The following ERBB4 variants were observed in gnomAD, a reference collection of about 807,000 sequenced individuals.
ERBB4 encodes erb-b2 receptor tyrosine kinase 4.
Under a neutral mutation model 158.0 loss-of-function variants are expected in ERBB4, and 42 were observed. That is an observed-to-expected ratio of 0.27 (90% CI 0.21 to 0.34). The LOEUF is 0.34. ERBB4 is among the 10% of genes least tolerant of loss of function. ERBB4 has a pLI of 1.00. For missense variants in ERBB4, 1,333 were observed against 1,624.1 expected (o/e 0.82, Z 3.08); for synonymous variants, 583 against 558.7 (o/e 1.04, Z -0.61).
intron 3 of ERBB4, among the ~76,000 whole-genome samples, chr2:211,855,989 A>T (rs1239128490): frequency 6.6e-6 from 1 of 152,212 alleles, no homozygotes; most frequent in Non-Finnish European, 1.5e-5. Context: ...CAAAGTCAGA[A>T]TGAAAAACTA....
chr2:212,532,204 C>T (rs75133265), intron 1 of ERBB4, among the ~76,000 whole-genome samples: 23 of 152,310 alleles, frequency 1.5e-4, no homozygotes, highest in African/African-American at 5.5e-4. Context: ...TTTCCTTGCG[C>T]TGTCAGTTTC....
intron 1 of ERBB4, among the ~76,000 whole-genome samples, chr2:212,289,432 A>T (rs1037804741): frequency 1.3e-5 from 2 of 152,196 alleles, no homozygotes; most frequent in Admixed American, 6.5e-5. Context: ...TAAATATTTA[A>T]TCCAGATTTT....
chr2:212,047,130 T>A (rs898989981), intron 2 of ERBB4, among the ~76,000 whole-genome samples: 5 of 152,168 alleles, frequency 3.3e-5, no homozygotes, highest in African/African-American at 1.2e-4. Context: ...TATTATATAT[T>A]GTTGTCCTAA....
At chr2:211,783,432 C>T (rs1265329954) in intron 4 of ERBB4, among the ~76,000 whole-genome samples, 1 of 152,230 alleles carries the variant, frequency 6.6e-6, no homozygotes, top group Non-Finnish European at 1.5e-5. Flanking sequence ...GAGAGGGCAT[C>T]CCTGTCTTGT....
chr2:212,274,998 C>A (rs71333667), intron 1 of ERBB4, among the ~76,000 whole-genome samples: 16 of 151,910 alleles, frequency 1.1e-4, no homozygotes, highest in African/African-American at 3.4e-4. Flanking sequence ...GTTCAGCTCC[C>A]ACTTAAGAGT....
At chr2:211,386,826 G>A (rs200977644) in intron 27 of ERBB4, 27 bp downstream of exon 27, 267 of 1,610,648 alleles carry the variant, frequency 1.7e-4, no homozygotes, top group Non-Finnish European at 2.2e-4. Flanking sequence ...TTCGAATGGC[G>A]ATCGTTTCTG....
chr2:212,308,428 G>A (rs1470828560), intron 1 of ERBB4, among the ~76,000 whole-genome samples: 1 of 151,030 alleles, frequency 6.6e-6, no homozygotes, highest in African/African-American at 2.4e-5. Context: ...ATTTAGAACT[G>A]GCATTTTCTC....
At chr2:212,408,216 C>T (rs2106480281) in intron 1 of ERBB4, among the ~76,000 whole-genome samples, 1 of 152,092 alleles carries the variant, frequency 6.6e-6, no homozygotes, top group African/African-American at 2.4e-5. Context: ...CATGCATTAG[C>T]TCTTTTCTCT....
rs1438765923 is a variant in ERBB4, at chr2:211,861,103, A to T, written c.422-72944T>A. ...ATATTATAAAATATATAAATACATT[A>T]TATATATTTATATATATATTTTATA... On this transcript the variant is annotated intron_variant, in intron 3 of 27. Coordinates refer to ENST00000342788, the MANE Select transcript of ERBB4 (RefSeq NM_005235.3). Among the ~76,000 whole-genome samples the T allele has an allele frequency of 4.4e-3, 216 of 48,766 alleles. 8 individuals carry two copies. Among genetic ancestry groups the T allele is most frequent in the Non-Finnish European group, 5.8e-3 (156 of 26,766 alleles). The allele number at this position is 48,766 out of a possible 152,430, so 32.0% of individuals were successfully genotyped here.
chr2:211,380,344 AACTGC>A lies in ERBB4; in HGVS notation c.*3266_*3270del, dbSNP rs1414948632. 2.3e-5 allele frequency: 5 copies of A among 221,380 alleles called. No individual in the cohort carries two copies. In the East Asian group the frequency reaches 2.6e-4, roughly 11 times the overall value. 13.7% of individuals were successfully genotyped at this position (221,380 alleles called of 1,614,324 possible). On this transcript the variant is annotated 3_prime_UTR_variant, in exon 28 of 28. Coordinates refer to ENST00000342788, the MANE Select transcript of ERBB4 (RefSeq NM_005235.3). Reference sequence around the variant, plus strand: ...TACCACTTTCTTTAGGCAATCATTTAACTGCAAAATTTTTCCATACCTGCCCAAAA... The same window carrying A: ...TACCACTTTCTTTAGGCAATCATTTAAAAATTTTTCCATACCTGCCCAAAA...
intron 1 of ERBB4, among the ~76,000 whole-genome samples, chr2:212,407,153 T>A (rs1418238262): frequency 6.6e-6 from 1 of 150,900 alleles, no homozygotes; most frequent in African/African-American, 2.4e-5. Context: ...ATATTATATA[T>A]AAATATACAT....
intron 19 of ERBB4, among the ~76,000 whole-genome samples, chr2:211,603,993 T>A (rs1408175423): frequency 6.6e-6 from 1 of 152,256 alleles, no homozygotes. Context: ...TATTACAGGA[T>A]ACCACATTTC....
intron 9 of ERBB4, among the ~76,000 whole-genome samples, chr2:211,710,304 G>C (rs543492221): frequency 4.3e-4 from 66 of 152,116 alleles, no homozygotes; most frequent in African/African-American, 1.0e-3. Flanking sequence ...TGTGAGTCAA[G>C]TGGCTCTATC....
chr2:212,267,588 T>C (rs1028298894), intron 1 of ERBB4, among the ~76,000 whole-genome samples: 7 of 112,996 alleles, frequency 6.2e-5, no homozygotes, highest in Non-Finnish European at 1.1e-4. Context: ...AAAATCATAG[T>C]TCTCATTTCT....
At chr2:211,776,748 G>A (rs2075885968) in intron 4 of ERBB4, among the ~76,000 whole-genome samples, 1 of 152,180 alleles carries the variant, frequency 6.6e-6, no homozygotes, top group South Asian at 2.1e-4. Context: ...TTGGCTGAGA[G>A]GATGACTCAT....
In ERBB4 at chr2:211,630,555, G is replaced by A. The variant is rs2125873008; in HGVS notation, c.1986C>T (p.Phe662=). 1 of 1,613,270 alleles carries A rather than the reference G, an allele frequency of 6.2e-7. No homozygotes were observed. The part of the protein sequence containing the change: ...LIAAGVIGGL[F]ILVIVGLTFA... ...ATGTCAGACCCACAATGACCAGAAT[G>A]AAGAGCCCACCAATTACTCCAGCTG... The change falls in exon 17 of 28, where the codon TTC becomes TTT. Residue 662 remains phenylalanine (F), a synonymous_variant. Coordinates refer to ENST00000342788, the MANE Select transcript of ERBB4 (RefSeq NM_005235.3).
intron 1 of ERBB4, among the ~76,000 whole-genome samples, chr2:212,320,832 T>C (rs1266492211): frequency 6.7e-6 from 1 of 150,364 alleles, no homozygotes; most frequent in Non-Finnish European, 1.5e-5. Context: ...ATGAAACAAT[T>C]ACAGTAAAGT....
At chr2:212,262,429 C>T (rs551547182) in intron 1 of ERBB4, among the ~76,000 whole-genome samples, 8 of 152,024 alleles carry the variant, frequency 5.3e-5, no homozygotes, top group African/African-American at 1.7e-4. Flanking sequence ...CTGTCTTTGG[C>T]CCTTTTTTAA....
chr2:212,068,856 G>T (rs1287681763), intron 2 of ERBB4, among the ~76,000 whole-genome samples: 3 of 151,998 alleles, frequency 2.0e-5, no homozygotes, highest in African/African-American at 4.8e-5. Context: ...TGACCATAGG[G>T]ATAGCAATTG....
Sources: gnomAD v4.1 joint callset for allele counts (sites outside exome capture counted in the v4.1 genomes callset) on GRCh38, gnomAD v4.1.1 for gene constraint, MANE v1.5 for transcripts, NCBI Gene and HGNC (gene_info 2026-07-23, HGNC 2026-07-21) for gene names.